Variants in HDLBP observed in about 807,000 individuals in gnomAD.
The protein encoded by HDLBP is vigilin.
In HDLBP, 30 loss-of-function variants were observed where a neutral mutation model predicts 137.3. That is an observed-to-expected ratio of 0.22 (90% confidence interval 0.16 to 0.30). The LOEUF (loss-of-function observed/expected upper bound fraction) is 0.30, where lower values mean the gene tolerates loss of function less well. Ranked by LOEUF, HDLBP falls within the 10% of genes least tolerant of loss-of-function variation. The probability of loss-of-function intolerance (pLI) is 1.00; values close to 1 mark genes in which losing one functional copy is unlikely to be tolerated. For synonymous variants in HDLBP, 606 were observed against 596.0 expected (o/e 1.02, Z -0.24); for missense variants, 1,119 against 1,667.3 (o/e 0.67, Z 5.73).
chr2:241,268,391 A>G (rs2073835756), intron 2 of HDLBP, 86 bp downstream of exon 2: 1 of 860,306 alleles, frequency 1.2e-6, no homozygotes, highest in South Asian at 5.3e-5. Context: ...GAAGGTACAC[A>G]CAGGACTAAG....
chr2:241,297,289 A>C lies in HDLBP; in HGVS notation c.-103+18281T>G, dbSNP rs142409769. Among the ~76,000 whole-genome samples the C allele has an allele frequency of 2.9e-3, 442 of 152,276 alleles. 1 individual carries two copies. The highest frequency in any genetic ancestry group is 0.01 in the African/African-American group (420 of 41,540). ...TCCAAGCAGGAAGGTCAACAAGAGG[A>C]GCCTCGTTCCATACAGGGTGAATAA... is the stretch of plus-strand genomic sequence containing the variant. On this transcript the variant is annotated intron_variant, in intron 1 of 27. Coordinates refer to ENST00000310931, the MANE Select transcript of HDLBP (RefSeq NM_005336.6).
At chr2:241,241,834 G>A (rs1300965431) in intron 17 of HDLBP, among the ~76,000 whole-genome samples, 2 of 152,266 alleles carry the variant, frequency 1.3e-5, no homozygotes, top group African/African-American at 4.8e-5. Flanking sequence ...TAAAAAAAAT[G>A]GAGAAATGCC....
At chr2:241,278,583 C>CA (rs34809445) in intron 1 of HDLBP, among the ~76,000 whole-genome samples, 4,961 of 142,606 alleles carry the variant, frequency 0.035, 417 homozygotes, top group Admixed American at 0.19. Context: ...ACTCCATCTC[C>CA]AAAAAAAAAA....
chr2:241,239,619 C>G lies in HDLBP; in HGVS notation c.2593G>C (p.Glu865Gln). 1.2e-6 allele frequency: 2 copies of G among 1,614,212 alleles called. No individual in the cohort carries two copies. Among genetic ancestry groups the G allele is most frequent in the Non-Finnish European group, 1.7e-6 (2 of 1,180,024 alleles). Residue 865 changes from glutamate (E) to glutamine (Q), a missense_variant, in exon 19 of 28, where the codon GAG becomes CAG. Around this residue, in one of 4 missense-constraint regions of HDLBP, gnomAD observed 618 missense variants for 816.7 expected, o/e 0.76. Transcript: ENST00000310931. This position sits in a 1 kb window ranked among gnomAD's most constrained non-coding sequence, Gnocchi z 4.6. Reference protein sequence around the residue: ...CVEAAKKRIQEIIEDLEAQVT... With the variant: ...CVEAAKKRIQQIIEDLEAQVT... Reference sequence around the variant, plus strand: ...GTGCCTACCAGGTCCTCAATGATCTCCTGAATGCGTTTCTTGGCTGCCTCC... The same window carrying G: ...GTGCCTACCAGGTCCTCAATGATCTGCTGAATGCGTTTCTTGGCTGCCTCC...
chr2:241,249,244 G>A, intron 12 of HDLBP: 1 of 460,372 alleles, frequency 2.2e-6, no homozygotes, highest in South Asian at 1.6e-5. Context: ...GAACCCTGGG[G>A]CTTGTTCCTC....
At chr2:241,246,366 A>C (rs1249538524) in intron 16 of HDLBP, among the ~76,000 whole-genome samples, 1 of 152,168 alleles carries the variant, frequency 6.6e-6, no homozygotes, top group Non-Finnish European at 1.5e-5. Flanking sequence ...GATGGTGGGA[A>C]TGATTCCATG....
intron 5 of HDLBP, among the ~76,000 whole-genome samples, chr2:241,257,794 G>A (rs1351354141): frequency 6.6e-6 from 1 of 152,164 alleles, no homozygotes; most frequent in African/African-American, 2.4e-5. Flanking sequence ...GTGCAGGGTG[G>A]AGGTGTTAAC....
At chr2:241,263,386 C>T (rs946134556) in intron 4 of HDLBP, among the ~76,000 whole-genome samples, 16 of 152,140 alleles carry the variant, frequency 1.1e-4, no homozygotes, top group Non-Finnish European at 8.8e-5. Context: ...CCCATCCCAC[C>T]CTGTAGTAAA....
chr2:241,299,524 A>AG (rs1359535027), intron 1 of HDLBP, among the ~76,000 whole-genome samples: 2 of 150,890 alleles, frequency 1.3e-5, no homozygotes, highest in African/African-American at 4.9e-5. Context: ...AAAAAAAAAA[A>AG]AAAAAAGAAA....
rs138578288 is a variant in HDLBP, at chr2:241,303,882, C to T, written c.-103+11688G>A. 2.0e-5 allele frequency among the ~76,000 whole-genome samples: 3 copies of T among 152,320 alleles called. No individual in the cohort carries two copies. In the East Asian group the frequency reaches 5.8e-4, roughly 29 times the overall value. ...GGAGTGCAGTGGTGTGACTACAGCTCACTGCAGCCTCGACCTCCTGGGCTC... is the reference window on the plus strand; with the variant it reads ...GGAGTGCAGTGGTGTGACTACAGCTTACTGCAGCCTCGACCTCCTGGGCTC... On this transcript the variant is annotated intron_variant, in intron 1 of 27. Transcript: ENST00000310931.
intron 12 of HDLBP, chr2:241,249,336 C>T (rs2071931551): frequency 2.1e-6 from 1 of 471,110 alleles, no homozygotes. Flanking sequence ...CAGAGACTTT[C>T]AAGTGTGGGT....
At chr2:241,273,688 T>A in intron 1 of HDLBP, 1 of 984,694 alleles carries the variant, frequency 1.0e-6, no homozygotes, top group Non-Finnish European at 1.2e-6. Context: ...ACTACAGGTA[T>A]CTGGGGACAA....
intron 21 of HDLBP, chr2:241,235,988 G>A (rs571357030): frequency 1.7e-4 from 35 of 208,682 alleles, no homozygotes; most frequent in Non-Finnish European, 3.1e-4. Context: ...GGATCAGGAC[G>A]GCTTTGGCTA....
chr2:241,241,837 G>A (rs1386518305), intron 17 of HDLBP, among the ~76,000 whole-genome samples: 2 of 152,112 alleles, frequency 1.3e-5, no homozygotes, highest in African/African-American at 4.8e-5. Flanking sequence ...AAAAAATGGA[G>A]AAATGCCTGC....
Position 241,262,813 on chromosome 2 carries a change from C to T in HDLBP, c.348G>A (p.Glu116=). 6.2e-7 allele frequency: 1 copy of T among 1,614,180 alleles called. No individual in the cohort carries two copies. Among genetic ancestry groups the T allele is most frequent in the Non-Finnish European group, 8.5e-7 (1 of 1,180,014 alleles). Residue 116 remains glutamate (E), a synonymous_variant, in exon 5 of 28, where the codon GAG becomes GAA. Transcript: ENST00000310931. ...EIMQRTGAHL[E]LSLAKDQGLS... is the part of the protein sequence containing the mutation. Reference sequence around the variant, plus strand: ...GGCCTTGGTCTTTGGCCAAAGACAGCTCCAAGTGAGCACCAGTTCTCTGCA... The same window carrying T: ...GGCCTTGGTCTTTGGCCAAAGACAGTTCCAAGTGAGCACCAGTTCTCTGCA...
chr2:241,257,098 A>G (rs146277986), intron 5 of HDLBP, among the ~76,000 whole-genome samples: 49 of 152,240 alleles, frequency 3.2e-4, no homozygotes, highest in African/African-American at 1.2e-3. Flanking sequence ...AGGAAGAAGC[A>G]TGACTGCATA....
chr2:241,255,598 A>AAGGGGCAG lies in HDLBP; in HGVS notation c.874-26_874-19dup. The AAGGGGCAG allele has an allele frequency of 6.2e-7, 1 of 1,600,952 alleles. No individual in the cohort carries two copies. The highest frequency in any genetic ancestry group is 1.3e-5 in the African/African-American group (1 of 74,730). The stretch of plus-strand genomic sequence containing the variant: ...TTCTTTTTCTAAATAAGAGCACCAT[A>AAGGGGCAG]AGGGGCAGTCAAAGGGAAAGGTGTG... On this transcript the variant is annotated intron_variant, in intron 7 of 27. Coordinates refer to ENST00000310931, the MANE Select transcript of HDLBP (RefSeq NM_005336.6).
chr2:241,248,372 G>T, intron 12 of HDLBP, 24 bp from the exon 13 acceptor site: 2 of 1,565,976 alleles, frequency 1.3e-6, no homozygotes. Context: ...TAAAGTAGAT[G>T]TCATTTATCA....
intron 1 of HDLBP, among the ~76,000 whole-genome samples, chr2:241,276,691 T>C (rs1196071430): frequency 6.6e-6 from 1 of 152,164 alleles, no homozygotes; most frequent in Admixed American, 6.5e-5. Flanking sequence ...ACACAGACTG[T>C]AGGATAAAAA....
Sources: gnomAD v4.1 joint callset for allele counts (sites outside exome capture counted in the v4.1 genomes callset) on GRCh38, gnomAD v4.1.1 for gene constraint, gnomAD v4.1.1 regional missense constraint, Gnocchi (gnomAD v3.1) non-coding constraint, MANE v1.5 for transcripts, NCBI Gene and HGNC (gene_info 2026-07-23, HGNC 2026-07-21) for gene names.